The following RUBCN variants were observed in gnomAD, a reference collection of about 807,000 sequenced individuals.
RUBCN encodes rubicon autophagy regulator.
RUBCN carries 74 observed loss-of-function variants against 113.2 expected under a neutral mutation model. The observed-to-expected ratio is 0.65, with a 90% CI of 0.54 to 0.79. The LOEUF (loss-of-function observed/expected upper bound fraction) is 0.79, where lower values mean the gene tolerates loss of function less well. RUBCN is among the 30% of genes least tolerant of loss of function. The pLI is 0.00. For synonymous variants in RUBCN, 480 were observed against 490.0 expected, an observed-to-expected ratio of 0.98 and a Z score of 0.27; for missense variants, 1,109 against 1,251.7, an observed-to-expected ratio of 0.89 and a Z score of 1.72.
At chr3:197,725,322 G>A (rs1298725229) in intron 1 of RUBCN, among the ~76,000 whole-genome samples, 1 of 151,828 alleles carries the variant, frequency 6.6e-6, no homozygotes, top group Non-Finnish European at 1.5e-5. Flanking sequence ...TATATTTGCT[G>A]TTTTTAATTA....
Position 197,736,656 on chromosome 3 carries a change from T to C in RUBCN, c.64A>G (p.Arg22Gly), listed in dbSNP as rs758148576. The part of the protein sequence containing the change: ...GGEERLPEES[R>G]REHWQLLGNL... Reference sequence around the variant, plus strand: ...ACTCCGCGGCGGCTCCCAGCCCACCTGCTCTCCTCAGGCAGGCGCTCCTCG... The same window carrying C: ...ACTCCGCGGCGGCTCCCAGCCCACCCGCTCTCCTCAGGCAGGCGCTCCTCG... Residue 22 changes from arginine (R) to glycine (G), a missense_variant and splice_region_variant, in exon 1 of 20, where the codon AGG becomes GGG. Physicochemically the swap from Arg to Gly is moderately radical, Grantham distance 125 (BLOSUM62 -2). This residue lies in a region of RUBCN where 736 missense variants were observed against 779.6 expected (regional missense o/e 0.94). Coordinates refer to ENST00000296343, the MANE Select transcript of RUBCN (RefSeq NM_014687.4). The C allele has an allele frequency of 6.5e-7, 1 of 1,532,548 alleles. No homozygotes were observed. The highest frequency in any genetic ancestry group is 1.4e-5 in the African/African-American group (1 of 72,922). The allele number at this position is 1,532,548 out of a possible 1,614,324, so 94.9% of individuals were successfully genotyped here. A position where few individuals can be genotyped will look rare whatever the true frequency, so the allele number is the denominator to read the frequency against.
intron 1 of RUBCN, chr3:197,748,472 T>C (rs778416160): frequency 6.6e-6 from 1 of 151,876 alleles, no homozygotes; most frequent in Non-Finnish European, 1.5e-5. Flanking sequence ...AAAAGAGACA[T>C]CTTAACCTTT....
At chr3:197,730,885 CT>C (rs71166707) in intron 1 of RUBCN, among the ~76,000 whole-genome samples, 1,416 of 49,964 alleles carry the variant, frequency 0.028, 5 homozygotes, top group African/African-American at 0.038. Flanking sequence ...TTAAAAGCAT[CT>C]TTTTTTTTTT....
chr3:197,728,461 G>A (rs1353953053), intron 1 of RUBCN, among the ~76,000 whole-genome samples: 1 of 152,116 alleles, frequency 6.6e-6, no homozygotes, highest in Non-Finnish European at 1.5e-5. Flanking sequence ...TAATCAAACA[G>A]GGACGGGAAA....
rs1424051102 is a variant in RUBCN at position 197,700,933 on chromosome 3, G to C, written c.941C>G (p.Ser314Cys). ...AGGCCCCTCACTGGCATCACCTGGG[G>C]AATCATTCTGGCTGCTGACCCAGGA... ...EASWVSSQND[S>C]PGDASEGPEY... The change falls in exon 7 of 20, where the codon TCC (serine) becomes TGC (cysteine). Residue 314 changes from serine (S) to cysteine (C), a missense_variant. Transcript: ENST00000296343. The C allele has an allele frequency of 1.9e-6, 3 of 1,614,088 alleles. No individual in the cohort carries two copies. The African/African-American group carries it at 4.0e-5, about 22-fold the overall frequency.
intron 2 of RUBCN, among the ~76,000 whole-genome samples, chr3:197,706,698 A>C (rs891391308): frequency 6.6e-6 from 1 of 152,142 alleles, no homozygotes; most frequent in Admixed American, 6.5e-5. Context: ...AAACAAACAA[A>C]AAAAGAGACA....
At position 197,682,470 on chromosome 3, in the gene RUBCN, G is replaced by T; in HGVS notation, c.2126C>A (p.Thr709Lys). 1 of 1,614,138 alleles carries T rather than the reference G, an allele frequency of 6.2e-7. No individual in the cohort carries two copies. Among genetic ancestry groups the T allele is most frequent in the Non-Finnish European group, 8.5e-7 (1 of 1,180,012 alleles). The change falls in exon 14 of 20, where the codon ACG (threonine) becomes AAG (lysine). Residue 709 changes from threonine (T) to lysine (K), a missense_variant and splice_region_variant. Physicochemically the swap from Thr to Lys is moderately conservative, Grantham distance 78. Transcript: ENST00000296343. ...QIIFNVHPAP[T>K]RKIAVAKQNY... Reference sequence around the variant, plus strand: ...AAGGGCACAGACACTGGCCACTCACGTTGGGGCTGGATGAACATTAAAAAT... The same window carrying T: ...AAGGGCACAGACACTGGCCACTCACTTTGGGGCTGGATGAACATTAAAAAT...
chr3:197,745,519 G>A (rs912999575), intron 1 of RUBCN, among the ~76,000 whole-genome samples: 1 of 151,780 alleles, frequency 6.6e-6, no homozygotes, highest in Non-Finnish European at 1.5e-5. Context: ...GGAGGCTAAG[G>A]CAGGAGAATT....
chr3:197,681,049 G>GGGGACGGGGGA lies in RUBCN; in HGVS notation c.2430+69_2430+79dup. The GGGGACGGGGGA allele has an allele frequency of 1.4e-6, 1 of 715,806 alleles. No individual in the cohort carries two copies. The highest frequency in any genetic ancestry group is 2.4e-6 in the Non-Finnish European group (1 of 414,208). The allele number at this position is 715,806 out of a possible 1,614,324, so 44.3% of individuals were successfully genotyped here. A position where few individuals can be genotyped will look rare whatever the true frequency, so the allele number is the denominator to read the frequency against. On this transcript the variant is annotated intron_variant, in intron 16 of 19. Coordinates refer to ENST00000296343, the MANE Select transcript of RUBCN (RefSeq NM_014687.4). The surrounding 1 kb of genome is among the most constrained non-coding windows in gnomAD (Gnocchi z 5.5). ...GGGACAAGAGGAGGGGATGGGGGGA[G>GGGGACGGGGGA]GGGACGGGGGAGGGACGAGGGGAGG... is the stretch of plus-strand genomic sequence containing the variant.
At chr3:197,706,818 A>C (rs1216303110) in intron 2 of RUBCN, among the ~76,000 whole-genome samples, 1 of 152,222 alleles carries the variant, frequency 6.6e-6, no homozygotes, top group Non-Finnish European at 1.5e-5. Context: ...TTCTTTGTAA[A>C]AAGTCTTTCT....
At chr3:197,690,434 G>A (rs1305747056) in intron 11 of RUBCN, among the ~76,000 whole-genome samples, 6 of 152,104 alleles carry the variant, frequency 3.9e-5, no homozygotes, top group South Asian at 2.1e-4. Context: ...GCGAAACTCC[G>A]TCTCAAAAAA....
At chr3:197,719,116 C>A (rs1725857340) in intron 1 of RUBCN, among the ~76,000 whole-genome samples, 1 of 152,152 alleles carries the variant, frequency 6.6e-6, no homozygotes, top group Non-Finnish European at 1.5e-5. Context: ...CAGTCTGACT[C>A]ATGACGTGAC....
chr3:197,694,673 T>C, intron 9 of RUBCN, 88 bp from the exon 10 acceptor site: 1 of 1,206,472 alleles, frequency 8.3e-7, no homozygotes, highest in Admixed American at 1.8e-5. Flanking sequence ...GTTTCCAAGA[T>C]AGGAACTGTT....
intron 1 of RUBCN, among the ~76,000 whole-genome samples, chr3:197,747,909 C>A (rs191389630): frequency 1.6e-3 from 239 of 151,586 alleles, no homozygotes; most frequent in African/African-American, 5.5e-3. Flanking sequence ...CAGGTCTGGG[C>A]CCACAACCCA....
At chr3:197,703,786 A>G (rs553248131) in intron 4 of RUBCN, 132 bp from the exon 5 acceptor site, 45 of 695,952 alleles carry the variant, frequency 6.5e-5, no homozygotes, top group Non-Finnish European at 9.7e-5. Context: ...AAAGTAGAGG[A>G]GAAGCTGAAG....
chr3:197,749,792 C>G, upstream of RUBCN: 1 of 486,644 alleles, frequency 2.1e-6, no homozygotes, highest in Non-Finnish European at 3.7e-6. Flanking sequence ...GGCGCGGGGC[C>G]GCTCTGGTCG....
chr3:197,674,693 G>T lies in RUBCN; in HGVS notation c.*325C>A, dbSNP rs184600742. On this transcript the variant is annotated 3_prime_UTR_variant, in exon 20 of 20. Coordinates refer to ENST00000296343, the MANE Select transcript of RUBCN (RefSeq NM_014687.4). ...ATGCAGGTGAAACCTAGAGGAGAAG[G>T]CCACAGACGCTGGAAGAACTTGGTC... 3 of 428,200 alleles carry T rather than the reference G, an allele frequency of 7.0e-6. No individual in the cohort carries two copies. Among genetic ancestry groups the T allele is most frequent in the Admixed American group, 7.9e-5 (2 of 25,158 alleles). 26.5% of individuals were successfully genotyped at this position (428,200 alleles called of 1,614,324 possible).
In RUBCN at chr3:197,675,080, C is replaced by T. The variant is rs779877674; in HGVS notation, c.2857G>A (p.Asp953Asn). ...ARQSLESYLS[D>N]YEEEPAEALA... ...GCTTCCGCGGGCTCCTCCTCGTAGTCTGACAGGTAAGACTCCAGGCTCTGC... is the reference window on the plus strand; with the variant it reads ...GCTTCCGCGGGCTCCTCCTCGTAGTTTGACAGGTAAGACTCCAGGCTCTGC... The change falls in exon 20 of 20, where the codon GAC (aspartate) becomes AAC (asparagine). Residue 953 changes from aspartate (D) to asparagine (N), a missense_variant. Physicochemically the swap from Asp to Asn is conservative, Grantham distance 23. Transcript: ENST00000296343. This position sits in a 1 kb window ranked among gnomAD's most constrained non-coding sequence, Gnocchi z 4.4. 1.2e-6 allele frequency: 2 copies of T among 1,613,494 alleles called. No homozygotes were observed.
chr3:197,712,616 T>G (rs1725078932), intron 2 of RUBCN, among the ~76,000 whole-genome samples: 1 of 152,200 alleles, frequency 6.6e-6, no homozygotes, highest in South Asian at 2.1e-4. Flanking sequence ...ATCTTTTGAT[T>G]CTTCCCACTA....
Sources: allele counts gnomAD v4.1 joint callset (sites outside exome capture counted in the v4.1 genomes callset), GRCh38; gene constraint gnomAD v4.1.1; regional missense constraint gnomAD v4.1.1; non-coding constraint Gnocchi (gnomAD v3.1); transcripts MANE v1.5; gene names NCBI Gene and HGNC (gene_info 2026-07-23, HGNC 2026-07-21).